GFRA1: variants seen among roughly 807,000 people sequenced by gnomAD.
GFRA1 encodes the protein GDNF family receptor alpha-1.
In GFRA1, 16 loss-of-function variants were observed where a neutral mutation model predicts 51.6. The ratio of observed to expected loss-of-function variants is 0.31; its 90% CI spans 0.21 to 0.47. The LOEUF (loss-of-function observed/expected upper bound fraction) is 0.47, where lower values mean the gene tolerates loss of function less well. GFRA1 is among the 20% of genes least tolerant of loss of function. The pLI is 1.00. For synonymous variants in GFRA1, 270 were observed against 241.3 expected, an observed-to-expected ratio of 1.12 and a Z score of -1.10; for missense variants, 530 against 594.3, an observed-to-expected ratio of 0.89 and a Z score of 1.13.
At chr10:116,263,197 C>CT (rs1321580240) in intron 4 of GFRA1, among the ~76,000 whole-genome samples, 1 of 152,130 alleles carries the variant, frequency 6.6e-6, no homozygotes, top group African/African-American at 2.4e-5. Context: ...GTTTGCTACC[C>CT]TTTGCAAGAC....
intron 5 of GFRA1, among the ~76,000 whole-genome samples, chr10:116,160,385 A>G (rs765295792): frequency 6.6e-6 from 1 of 152,228 alleles, no homozygotes; most frequent in African/African-American, 2.4e-5. Flanking sequence ...CTTTCCCATA[A>G]TAGTTATTTC....
chr10:116,123,425 T>A (rs1329129024), intron 6 of GFRA1, among the ~76,000 whole-genome samples: 5 of 152,162 alleles, frequency 3.3e-5, no homozygotes, highest in Non-Finnish European at 7.3e-5. Context: ...AGGAGAAACA[T>A]TACTCCCAAA....
chr10:116,268,908 G>A (rs1272582138), intron 4 of GFRA1, among the ~76,000 whole-genome samples: 2 of 152,184 alleles, frequency 1.3e-5, no homozygotes, highest in Non-Finnish European at 2.9e-5. Flanking sequence ...ACCATGGGAA[G>A]CGAGACTACA....
At chr10:116,073,058 G>A (rs1955473209) in intron 9 of GFRA1, among the ~76,000 whole-genome samples, 1 of 152,156 alleles carries the variant, frequency 6.6e-6, no homozygotes, top group African/African-American at 2.4e-5. Context: ...ACTGGCTTGT[G>A]ATCATCTGTG....
At chr10:116,184,200 T>C (rs1565634057) in intron 5 of GFRA1, among the ~76,000 whole-genome samples, 1 of 152,248 alleles carries the variant, frequency 6.6e-6, no homozygotes, top group Non-Finnish European at 1.5e-5. Context: ...CAGGCAGCTT[T>C]CCTGACCCTC....
chr10:116,211,789 G>GCTTA, intron 4 of GFRA1, 144 bp from the exon 5 acceptor site: 1 of 685,192 alleles, frequency 1.5e-6, no homozygotes, highest in Non-Finnish European at 2.5e-6. Context: ...TTTAACTCAG[G>GCTTA]AGGCAGTGCT....
chr10:116,261,640 T>C (rs1969310248), intron 4 of GFRA1, among the ~76,000 whole-genome samples: 2 of 152,206 alleles, frequency 1.3e-5, no homozygotes, highest in Non-Finnish European at 2.9e-5. Context: ...AATCATACTT[T>C]ATAAAGGTTA....
chr10:116,174,051 G>C (rs1961329161), intron 5 of GFRA1, among the ~76,000 whole-genome samples: 1 of 151,974 alleles, frequency 6.6e-6, no homozygotes. Context: ...TTGCACTCCA[G>C]CCTGGGCAAC....
chr10:116,118,971 G>C (rs1055054505), intron 6 of GFRA1, among the ~76,000 whole-genome samples: 2 of 152,244 alleles, frequency 1.3e-5, no homozygotes, highest in South Asian at 4.1e-4. Flanking sequence ...ACCCACCTCT[G>C]CCAACAGAGA....
intron 4 of GFRA1, 25 bp from the exon 5 acceptor site, chr10:116,211,670 GGAGGGGA>G: frequency 6.5e-7 from 1 of 1,541,862 alleles, no homozygotes. Flanking sequence ...GAAAAGTAGG[GGAGGGGA>G]GAGGGGAGAA....
intron 5 of GFRA1, among the ~76,000 whole-genome samples, chr10:116,174,281 T>C (rs994595301): frequency 1.3e-5 from 2 of 152,240 alleles, no homozygotes; most frequent in African/African-American, 4.8e-5. Flanking sequence ...ACTTTTCAGC[T>C]TCAGATATGT....
At chr10:116,172,453 A>C (rs1014562797) in intron 5 of GFRA1, among the ~76,000 whole-genome samples, 2 of 152,168 alleles carry the variant, frequency 1.3e-5, no homozygotes. Context: ...ATTACTGTAC[A>C]AATAGTAAGG....
chr10:116,205,171 G>A (rs773704250), intron 5 of GFRA1, among the ~76,000 whole-genome samples: 6 of 152,260 alleles, frequency 3.9e-5, no homozygotes, highest in East Asian at 3.9e-4. Flanking sequence ...GCACATGACC[G>A]TACCTTATAA....
At chr10:116,228,599 C>T (rs1356775537) in intron 4 of GFRA1, among the ~76,000 whole-genome samples, 1 of 152,142 alleles carries the variant, frequency 6.6e-6, no homozygotes, top group African/African-American at 2.4e-5. Context: ...GTTGGATAAT[C>T]TTCCCCCAGA....
At chr10:116,255,409 ATACT>A (rs1968748164) in intron 4 of GFRA1, among the ~76,000 whole-genome samples, 2 of 152,044 alleles carry the variant, frequency 1.3e-5, no homozygotes, top group Non-Finnish European at 2.9e-5. Flanking sequence ...AGTGAACCTT[ATACT>A]GCTAATAGAA....
At chr10:116,142,621 T>G (rs1197661237) in intron 5 of GFRA1, among the ~76,000 whole-genome samples, 1 of 152,246 alleles carries the variant, frequency 6.6e-6, no homozygotes, top group Non-Finnish European at 1.5e-5. Flanking sequence ...TAATGGACTT[T>G]GCGTGTACGT....
intron 5 of GFRA1, among the ~76,000 whole-genome samples, chr10:116,193,947 G>A (rs1963495051): frequency 1.3e-5 from 2 of 151,718 alleles, no homozygotes; most frequent in Non-Finnish European, 2.9e-5. Context: ...ACTGAGGCAA[G>A]AGAATGGTGT....
intron 6 of GFRA1, among the ~76,000 whole-genome samples, chr10:116,118,254 G>A (rs560149977): frequency 6.6e-6 from 1 of 152,246 alleles, no homozygotes; most frequent in South Asian, 2.1e-4. Context: ...CTTCTCATGG[G>A]TCAACTGCAA....
intron 4 of GFRA1, among the ~76,000 whole-genome samples, chr10:116,253,871 C>T (rs1313802233): frequency 6.6e-6 from 1 of 152,140 alleles, no homozygotes; most frequent in Non-Finnish European, 1.5e-5. Context: ...GCTGGACAAA[C>T]TTGGCTTGAA....
Sources: allele counts gnomAD v4.1 joint callset (sites outside exome capture counted in the v4.1 genomes callset), GRCh38; gene constraint gnomAD v4.1.1; transcripts MANE v1.5; gene names NCBI Gene and HGNC (gene_info 2026-07-23, HGNC 2026-07-21).